Variants in CERS3 observed in about 807,000 individuals in gnomAD.
CERS3 encodes ceramide synthase 3.
A neutral mutation model predicts 50.3 loss-of-function variants in CERS3; 33 were observed. That is an observed-to-expected ratio of 0.66 (90% CI 0.50 to 0.88). The LOEUF (loss-of-function observed/expected upper bound fraction) is 0.88. Ranked by LOEUF, CERS3 falls within the 40% of genes least tolerant of loss-of-function variation. The pLI, the probability that CERS3 is intolerant of heterozygous loss-of-function variation, is 0.00. For synonymous variants in CERS3, 176 were observed against 155.2 expected (o/e 1.13, Z -0.99); for missense variants, 470 against 460.3 (o/e 1.02, Z -0.19).
chr15:100,504,057 C>T (rs1417090329), intron 2 of CERS3, among the ~76,000 whole-genome samples: 1 of 151,982 alleles, frequency 6.6e-6, no homozygotes, highest in Non-Finnish European at 1.5e-5. Context: ...GAAAGAATTC[C>T]ACAGTGTGGA....
rs200251677 is a variant in CERS3 at position 100,418,969 on chromosome 15, GC to G, written c.1000-16105del. On this transcript the variant is annotated intron_variant, in intron 11 of 11. Transcript: ENST00000679737. ...AAAGGAACAACCAGTACCAGCCACTGCAAAATCGTGCCAAATTGTAAAGACC... is the reference window on the plus strand; with the variant it reads ...AAAGGAACAACCAGTACCAGCCACTGAAAATCGTGCCAAATTGTAAAGACC... Among the ~76,000 whole-genome samples, 1,051 of 64,030 alleles carry G rather than the reference GC, an allele frequency of 0.016. 68 individuals carry two copies. In the East Asian group the frequency reaches 0.32, roughly 19 times the overall value. 42.0% of individuals were successfully genotyped at this position (64,030 alleles called of 152,430 possible).
intron 7 of CERS3, among the ~76,000 whole-genome samples, chr15:100,477,586 C>T (rs1479438235): frequency 6.6e-6 from 1 of 152,120 alleles, no homozygotes; most frequent in Non-Finnish European, 1.5e-5. Context: ...TTCAAGTGAA[C>T]CCTGTTTCTT....
intron 11 of CERS3, among the ~76,000 whole-genome samples, chr15:100,411,579 T>A (rs1267470072): frequency 6.6e-6 from 1 of 152,208 alleles, no homozygotes; most frequent in East Asian, 1.9e-4. Context: ...TGATTGTGAA[T>A]AATGCTGCTA....
intron 11 of CERS3, among the ~76,000 whole-genome samples, chr15:100,451,488 G>A (rs1232183656): frequency 2.0e-5 from 3 of 152,160 alleles, no homozygotes; most frequent in Non-Finnish European, 4.4e-5. Context: ...AAGATCACAA[G>A]GTCAGGAGAT....
chr15:100,402,445 T>A lies in CERS3; in HGVS notation c.*268A>T. ...TGAGAAAGTGACATGCATGAGGGAG[T>A]GCAATTAGAACTGAGACGGTTCTGT... On this transcript the variant is annotated 3_prime_UTR_variant, in exon 12 of 12. Transcript: ENST00000679737. 2 of 418,574 alleles carry A rather than the reference T, an allele frequency of 4.8e-6. No homozygotes were observed. The highest frequency in any genetic ancestry group is 3.6e-5 in the South Asian group (1 of 27,728). 25.9% of individuals were successfully genotyped at this position (418,574 alleles called of 1,614,324 possible). A position where few individuals can be genotyped will look rare whatever the true frequency, so the allele number is the denominator to read the frequency against.
intron 10 of CERS3, among the ~76,000 whole-genome samples, chr15:100,459,568 T>C (rs1483353316): frequency 6.6e-6 from 1 of 152,204 alleles, no homozygotes; most frequent in South Asian, 2.1e-4. Flanking sequence ...TCTAGGATTA[T>C]AGGCATGAAC....
intron 11 of CERS3, among the ~76,000 whole-genome samples, chr15:100,415,168 G>A (rs926269337): frequency 3.3e-5 from 5 of 152,108 alleles, no homozygotes; most frequent in Admixed American, 1.3e-4. Flanking sequence ...AAACATATGA[G>A]AAAAAGTTCA....
intron 11 of CERS3, among the ~76,000 whole-genome samples, chr15:100,441,919 G>A (rs1003346155): frequency 6.6e-6 from 1 of 151,478 alleles, no homozygotes; most frequent in African/African-American, 2.4e-5. Flanking sequence ...CTTTTCTACA[G>A]ACCCATCTGA....
chr15:100,436,731 C>G (rs77329128), intron 11 of CERS3, among the ~76,000 whole-genome samples: 1 of 152,100 alleles, frequency 6.6e-6, no homozygotes, highest in East Asian at 1.9e-4. Context: ...TGATAGGACA[C>G]CAGCTATAGG....
intron 3 of CERS3, among the ~76,000 whole-genome samples, chr15:100,499,750 T>C (rs1027144178): frequency 2.0e-5 from 3 of 152,226 alleles, no homozygotes; most frequent in Admixed American, 1.3e-4. Context: ...TTTGCTGTTA[T>C]CTCTTTAAGC....
intron 5 of CERS3, 72 bp from the exon 6 acceptor site, chr15:100,480,118 T>C (rs886706146): frequency 1.8e-6 from 2 of 1,131,110 alleles, no homozygotes; most frequent in African/African-American, 3.1e-5. Flanking sequence ...TGATTAGGTA[T>C]GGCAGATTTT....
chr15:100,494,248 TATATATATATTTG>T, intron 3 of CERS3, among the ~76,000 whole-genome samples: 2 of 17,754 alleles, frequency 1.1e-4, no homozygotes, highest in Non-Finnish European at 5.4e-4. Context: ...TATATATATA[TATATATATATTTG>T]TTTTGAGATG....
intron 5 of CERS3, 24 bp from the exon 6 acceptor site, chr15:100,480,070 T>C: frequency 6.4e-7 from 1 of 1,572,228 alleles, no homozygotes; most frequent in Admixed American, 1.7e-5. Flanking sequence ...GAAAAATCTT[T>C]ACTCCCTTGT....
intron 11 of CERS3, among the ~76,000 whole-genome samples, chr15:100,443,328 T>A (rs986322598): frequency 2.0e-5 from 3 of 148,230 alleles, no homozygotes; most frequent in African/African-American, 7.8e-5. Context: ...GTTATCACTC[T>A]CCTGCTACAG....
chr15:100,489,008 C>T (rs1371093222), intron 4 of CERS3, among the ~76,000 whole-genome samples: 1 of 152,176 alleles, frequency 6.6e-6, no homozygotes, highest in Non-Finnish European at 1.5e-5. Context: ...ATCTCCAGAC[C>T]TCGTGATCCA....
At chr15:100,518,953 G>C (rs758048569) in intron 2 of CERS3, among the ~76,000 whole-genome samples, 41 of 152,282 alleles carry the variant, frequency 2.7e-4, no homozygotes, top group Admixed American at 7.8e-4. Context: ...CACCAGGTCA[G>C]GAGTACGAGA....
chr15:100,480,439 A>G (rs2035263306), intron 5 of CERS3, among the ~76,000 whole-genome samples: 1 of 152,182 alleles, frequency 6.6e-6, no homozygotes, highest in Non-Finnish European at 1.5e-5. Flanking sequence ...TAATAAGTTT[A>G]ATTATTTCTC....
chr15:100,419,768 A>T (rs888922427), intron 11 of CERS3, among the ~76,000 whole-genome samples: 82 of 148,928 alleles, frequency 5.5e-4, no homozygotes, highest in Admixed American at 3.1e-3. Context: ...AGAACTCAGG[A>T]TTAAGAATCT....
chr15:100,438,501 A>AT (rs1048993323), intron 11 of CERS3, among the ~76,000 whole-genome samples: 4 of 152,060 alleles, frequency 2.6e-5, no homozygotes, highest in African/African-American at 9.7e-5. Flanking sequence ...CTAGTTATTA[A>AT]TTTTTTTACC....
Sources: allele counts gnomAD v4.1 joint callset (sites outside exome capture counted in the v4.1 genomes callset), GRCh38; gene constraint gnomAD v4.1.1; transcripts MANE v1.5; gene names NCBI Gene and HGNC (gene_info 2026-07-23, HGNC 2026-07-21).